DPP10: variants seen among roughly 807,000 people sequenced by gnomAD.
DPP10 encodes the protein inactive dipeptidyl peptidase 10.
DPP10 carries 33 observed loss-of-function variants against 120.9 expected under a neutral mutation model. That is an observed-to-expected ratio of 0.27 (90% CI 0.21 to 0.37). The LOEUF is 0.37. Among genes scored for constraint, DPP10 ranks in the 10% least tolerant of loss-of-function variants. The pLI, the probability that DPP10 is intolerant of heterozygous loss-of-function variation, is 1.00. For synonymous variants in DPP10, 337 were observed against 326.1 expected (o/e 1.03, Z -0.36); for missense variants, 816 against 942.8 (o/e 0.87, Z 1.76).
intron 1 of DPP10, among the ~76,000 whole-genome samples, chr2:114,949,257 G>C (rs1302990176): frequency 1.3e-5 from 2 of 152,044 alleles, no homozygotes; most frequent in African/African-American, 4.8e-5. Flanking sequence ...AGTCTCCTGA[G>C]AACTCATTCA....
chr2:115,543,244 G>T (rs1334866500), intron 5 of DPP10, among the ~76,000 whole-genome samples: 4 of 151,954 alleles, frequency 2.6e-5, no homozygotes, highest in African/African-American at 9.7e-5. Flanking sequence ...CGGTCTTCCG[G>T]TCCATTTGGG....
In DPP10 at chr2:115,126,372, T is replaced by C. The variant is rs2050085306; in HGVS notation, c.61-182867T>C. Among the ~76,000 whole-genome samples, 5 of 152,114 alleles carry C rather than the reference T, an allele frequency of 3.3e-5. No individual in the cohort carries two copies. The South Asian group carries it at 1.0e-3, about 32-fold the overall frequency. On this transcript the variant is annotated intron_variant, in intron 1 of 25. Transcript: ENST00000410059. Reference sequence around the variant, plus strand: ...CCGCCTCAGCCTCCCAAAGGGCCAATATTACAAGCGTGAGCCACTGCACCT... The same window carrying C: ...CCGCCTCAGCCTCCCAAAGGGCCAACATTACAAGCGTGAGCCACTGCACCT...
At chr2:114,794,662 C>T (rs1008625749) in intron 1 of DPP10, among the ~76,000 whole-genome samples, 1 of 152,132 alleles carries the variant, frequency 6.6e-6, no homozygotes, top group Non-Finnish European at 1.5e-5. Context: ...AATACTTGAG[C>T]AAAAATTATG....
At chr2:114,821,324 C>CA (rs1274494605) in intron 1 of DPP10, among the ~76,000 whole-genome samples, 1 of 152,114 alleles carries the variant, frequency 6.6e-6, no homozygotes, top group African/African-American at 2.4e-5. Flanking sequence ...GATAAGAGGA[C>CA]AATGGTGGTG....
chr2:115,287,736 G>T (rs1006728218), intron 1 of DPP10, among the ~76,000 whole-genome samples: 7 of 152,124 alleles, frequency 4.6e-5, no homozygotes, highest in Admixed American at 3.9e-4. Context: ...GATAATCAAA[G>T]AACTCAATCC....
chr2:115,409,371 C>T (rs2068764389), intron 3 of DPP10, among the ~76,000 whole-genome samples: 1 of 152,136 alleles, frequency 6.6e-6, no homozygotes, highest in South Asian at 2.1e-4. Flanking sequence ...CTAAAGATCA[C>T]ATATGAACAG....
chr2:115,073,428 G>A (rs1707535450), intron 1 of DPP10, among the ~76,000 whole-genome samples: 1 of 152,230 alleles, frequency 6.6e-6, no homozygotes, highest in Admixed American at 6.5e-5. Context: ...TGGCAGCAGG[G>A]CACAGTGGAG....
chr2:114,575,767 C>T (rs1227283331), intron 1 of DPP10, among the ~76,000 whole-genome samples: 2 of 152,048 alleles, frequency 1.3e-5, no homozygotes, highest in African/African-American at 4.8e-5. Context: ...TCATGATTTT[C>T]TCAAAGTCAT....
chr2:115,109,434 G>A (rs1401856706), intron 1 of DPP10, among the ~76,000 whole-genome samples: 1 of 152,110 alleles, frequency 6.6e-6, no homozygotes, highest in Non-Finnish European at 1.5e-5. Context: ...TACTCTGGAG[G>A]CTGAGGCAGG....
chr2:114,935,967 CATTT>C lies in DPP10; in HGVS notation c.61-373259_61-373256del, dbSNP rs199515045. Among the ~76,000 whole-genome samples the C allele has an allele frequency of 5.4e-3, 826 of 151,604 alleles. 9 individuals carry two copies. Among genetic ancestry groups the C allele is most frequent in the Middle Eastern group, 0.031 (9 of 294 alleles). On this transcript the variant is annotated intron_variant, in intron 1 of 25. Transcript: ENST00000410059. ...TTTCTATTTTTACATCTTTCTGTGA[CATTT>C]ATTTATTTATTTGTTTTAATTTATT... is the stretch of plus-strand genomic sequence containing the variant.
chr2:115,693,492 AGAAAAAAATGGACAGTATTTTG>A (rs2091428703), intron 7 of DPP10, among the ~76,000 whole-genome samples: 1 of 152,184 alleles, frequency 6.6e-6, no homozygotes, highest in Non-Finnish European at 1.5e-5. Flanking sequence ...CCAGTATTTT[AGAAAAAAATGGACAGTATTTTG>A]GAAAATCTTT....
intron 1 of DPP10, among the ~76,000 whole-genome samples, chr2:114,830,968 T>C (rs990512359): frequency 3.3e-5 from 5 of 150,040 alleles, no homozygotes; most frequent in Middle Eastern, 3.2e-3. Context: ...GCATAGCTTT[T>C]AATAAAAAGT....
At position 114,697,912 on chromosome 2, in the gene DPP10, C is replaced by A. The variant is rs76212364; in HGVS notation, c.60+255074C>A. ...CCTCTCTGAAATATCCTTCTTACAA[C>A]TGTAACTTATAGATTTGGTTTGGTG... On this transcript the variant is annotated intron_variant, in intron 1 of 25. Transcript: ENST00000410059. 7.2e-5 allele frequency among the ~76,000 whole-genome samples: 11 copies of A among 152,082 alleles called. No individual in the cohort carries two copies. In the East Asian group the frequency reaches 2.1e-3, roughly 29 times the overall value.
At chr2:114,950,248 G>C (rs1465010221) in intron 1 of DPP10, among the ~76,000 whole-genome samples, 5 of 147,632 alleles carry the variant, frequency 3.4e-5, no homozygotes, top group African/African-American at 5.0e-5. Context: ...AAATTGCCAA[G>C]ACAACTACCC....
intron 5 of DPP10, among the ~76,000 whole-genome samples, chr2:115,539,892 A>G (rs1229974552): frequency 6.6e-6 from 1 of 151,810 alleles, no homozygotes; most frequent in African/African-American, 2.4e-5. Context: ...TTTTCTAATT[A>G]TACCAAGACA....
At chr2:115,289,673 A>G (rs1156282280) in intron 1 of DPP10, among the ~76,000 whole-genome samples, 1 of 152,118 alleles carries the variant, frequency 6.6e-6, no homozygotes, top group African/African-American at 2.4e-5. Context: ...GAAGCAGAAT[A>G]GAGAACCCAG....
intron 3 of DPP10, among the ~76,000 whole-genome samples, chr2:115,369,519 G>A (rs1269254546): frequency 6.6e-6 from 1 of 151,948 alleles, no homozygotes; most frequent in Non-Finnish European, 1.5e-5. Flanking sequence ...GATGAATGAG[G>A]GATTATAACT....
At chr2:114,849,129 T>G (rs1184499728) in intron 1 of DPP10, among the ~76,000 whole-genome samples, 1 of 152,168 alleles carries the variant, frequency 6.6e-6, no homozygotes, top group Non-Finnish European at 1.5e-5. Context: ...TTTTGCCTCC[T>G]CAGCCCTGGA....
intron 3 of DPP10, among the ~76,000 whole-genome samples, chr2:115,377,544 C>A (rs2065909385): frequency 6.6e-6 from 1 of 152,126 alleles, no homozygotes; most frequent in Non-Finnish European, 1.5e-5. Context: ...TGTGAAGAAG[C>A]TCTTTAGTTT....
Sources: allele counts gnomAD v4.1 joint callset (sites outside exome capture counted in the v4.1 genomes callset), GRCh38; gene constraint gnomAD v4.1.1; transcripts MANE v1.5; gene names NCBI Gene and HGNC (gene_info 2026-07-23, HGNC 2026-07-21).